The following TEAD4 variants were observed in gnomAD, a reference collection of about 807,000 sequenced individuals.
The protein encoded by TEAD4 is transcriptional enhancer factor TEF-3.
In TEAD4, 36 loss-of-function variants were observed where a neutral mutation model predicts 52.4. The observed-to-expected ratio is 0.69, with a 90% CI of 0.53 to 0.91. The LOEUF (loss-of-function observed/expected upper bound fraction) is 0.91. Ranked by LOEUF, TEAD4 falls within the 40% of genes least tolerant of loss-of-function variation. The probability of loss-of-function intolerance (pLI) is 0.00; values close to 1 mark genes in which losing one functional copy is unlikely to be tolerated. For synonymous variants in TEAD4, 220 were observed against 231.0 expected, an observed-to-expected ratio of 0.95 and a Z score of 0.43; for missense variants, 508 against 583.9, an observed-to-expected ratio of 0.87 and a Z score of 1.34.
chr12:2,973,422 G>A (rs2098226886), intron 2 of TEAD4, among the ~76,000 whole-genome samples: 1 of 152,204 alleles, frequency 6.6e-6, no homozygotes, highest in African/African-American at 2.4e-5. Flanking sequence ...AGTCAGATAT[G>A]TGATTTACAG....
chr12:3,039,093 G>A (rs1010554182), intron 11 of TEAD4, among the ~76,000 whole-genome samples: 8 of 152,134 alleles, frequency 5.3e-5, no homozygotes, highest in Non-Finnish European at 8.8e-5. Context: ...CCAGATGCCC[G>A]GCCAGCACCA....
At chr12:3,014,312 C>T (rs1303409892) in intron 5 of TEAD4, among the ~76,000 whole-genome samples, 1 of 152,190 alleles carries the variant, frequency 6.6e-6, no homozygotes, top group East Asian at 1.9e-4. Context: ...GGCTGTGTGG[C>T]CCACATTTGC....
chr12:3,034,931 TA>T (rs35998140), intron 10 of TEAD4, among the ~76,000 whole-genome samples: 24,716 of 145,592 alleles, frequency 0.17, 2,402 homozygotes, highest in African/African-American at 0.29. Flanking sequence ...CCACCTCTAC[TA>T]AAAAAAAAAA....
At chr12:2,989,814 C>T (rs1008878262) in intron 2 of TEAD4, among the ~76,000 whole-genome samples, 1 of 152,166 alleles carries the variant, frequency 6.6e-6, no homozygotes, top group Non-Finnish European at 1.5e-5. Flanking sequence ...CTTTTAAGAT[C>T]TCTGTTTTGG....
At chr12:2,977,330 CT>C (rs941908207) in intron 2 of TEAD4, among the ~76,000 whole-genome samples, 25 of 152,190 alleles carry the variant, frequency 1.6e-4, no homozygotes, top group African/African-American at 4.6e-4. Context: ...CTCTCTCTCC[CT>C]TTCCCCCTTC....
chr12:3,026,992 C>A (rs1269486324), intron 10 of TEAD4, among the ~76,000 whole-genome samples: 2 of 152,116 alleles, frequency 1.3e-5, no homozygotes, highest in Non-Finnish European at 2.9e-5. Flanking sequence ...CTGCTCCTAA[C>A]CCTCCCCCAA....
intron 10 of TEAD4, among the ~76,000 whole-genome samples, chr12:3,025,392 T>C (rs781157334): frequency 6.6e-6 from 1 of 152,246 alleles, no homozygotes; most frequent in South Asian, 2.1e-4. Context: ...TAAGAAAAGA[T>C]GCATGGTACA....
intron 6 of TEAD4, 63 bp from the exon 7 acceptor site, chr12:3,018,482 C>T: frequency 1.2e-6 from 2 of 1,605,998 alleles, no homozygotes; most frequent in Non-Finnish European, 1.7e-6. Context: ...ACCCCCACCC[C>T]CACACCACAG....
intron 5 of TEAD4, among the ~76,000 whole-genome samples, chr12:3,014,554 AT>A (rs2098262830): frequency 6.6e-6 from 1 of 152,242 alleles, no homozygotes; most frequent in Admixed American, 6.5e-5. Flanking sequence ...TCCAATAGAA[AT>A]CCCTGAGTGA....
intron 10 of TEAD4, among the ~76,000 whole-genome samples, chr12:3,023,326 C>G (rs1014523196): frequency 1.3e-5 from 2 of 152,106 alleles, no homozygotes; most frequent in Non-Finnish European, 2.9e-5. Context: ...GAGGAGACAA[C>G]TGGGAGAGTG....
chr12:2,998,709 A>G (rs1182256426), intron 3 of TEAD4, among the ~76,000 whole-genome samples: 1 of 152,138 alleles, frequency 6.6e-6, no homozygotes, highest in African/African-American at 2.4e-5. Flanking sequence ...ATGGAAATTC[A>G]GGGAAGCCAA....
chr12:3,016,330 G>A lies in TEAD4; in HGVS notation c.355-1068G>A, dbSNP rs547122270. Among the ~76,000 whole-genome samples the A allele has an allele frequency of 8.5e-5, 13 of 152,242 alleles. No individual in the cohort carries two copies. In the East Asian group the frequency reaches 2.5e-3, roughly 29 times the overall value. ...GGCATGAACCACCACTTCCGGCCAG[G>A]TATCAAATTTCTAATCAGAGCCCCT... is the stretch of plus-strand genomic sequence containing the variant. On this transcript the variant is annotated intron_variant, in intron 5 of 12. Transcript: ENST00000359864.
chr12:2,972,666 A>AT (rs1321208889), intron 2 of TEAD4, among the ~76,000 whole-genome samples: 1 of 151,508 alleles, frequency 6.6e-6, no homozygotes, highest in Non-Finnish European at 1.5e-5. Context: ...TACTCCGCTA[A>AT]TTTTTTGTAT....
chr12:3,013,664 G>T (rs2098262185), intron 5 of TEAD4, among the ~76,000 whole-genome samples: 1 of 152,216 alleles, frequency 6.6e-6, no homozygotes, highest in African/African-American at 2.4e-5. Context: ...AACCTGGGAA[G>T]TGGAGGTTGC....
At chr12:2,996,331 C>T (rs779273186) in intron 3 of TEAD4, among the ~76,000 whole-genome samples, 27 of 152,074 alleles carry the variant, frequency 1.8e-4, no homozygotes, top group African/African-American at 4.1e-4. Context: ...ACTTCTGGGT[C>T]GGCCCTCTAG....
At chr12:2,986,532 C>G (rs189340730) in intron 2 of TEAD4, among the ~76,000 whole-genome samples, 3 of 151,188 alleles carry the variant, frequency 2.0e-5, no homozygotes, top group African/African-American at 7.3e-5. Context: ...CCCAGCTACT[C>G]GGGAGGCTGA....
At chr12:2,982,757 C>T (rs2098235142) in intron 2 of TEAD4, among the ~76,000 whole-genome samples, 1 of 152,170 alleles carries the variant, frequency 6.6e-6, no homozygotes, top group Admixed American at 6.5e-5. Flanking sequence ...GACCTGCTGC[C>T]CTGCTTTTCC....
intron 10 of TEAD4, among the ~76,000 whole-genome samples, chr12:3,022,467 G>A (rs977809872): frequency 2.0e-5 from 3 of 152,190 alleles, no homozygotes; most frequent in African/African-American, 7.2e-5. Flanking sequence ...AACAGAGCTT[G>A]GAGAAGGGGA....
intron 2 of TEAD4, among the ~76,000 whole-genome samples, chr12:2,974,327 C>A (rs1426297741): frequency 6.6e-6 from 1 of 152,200 alleles, no homozygotes; most frequent in African/African-American, 2.4e-5. Flanking sequence ...AACAGAATGT[C>A]TGAAACATCA....
Sources: gnomAD v4.1 joint callset for allele counts (sites outside exome capture counted in the v4.1 genomes callset) on GRCh38, gnomAD v4.1.1 for gene constraint, MANE v1.5 for transcripts, NCBI Gene and HGNC (gene_info 2026-07-23, HGNC 2026-07-21) for gene names.